Variants in RECQL4 observed in about 807,000 individuals in gnomAD.
RECQL4 encodes the protein ATP-dependent DNA helicase Q4.
In RECQL4, 158 loss-of-function variants were observed where a neutral mutation model predicts 128.6. That is an observed-to-expected ratio of 1.23 (90% CI 1.08 to 1.40). The LOEUF is 1.40. Among genes scored for constraint, RECQL4 ranks in the 40% most tolerant of loss-of-function variants. The pLI is 0.00. For synonymous variants in RECQL4, 996 were observed against 678.9 expected, an observed-to-expected ratio of 1.47 and a Z score of -7.26; for missense variants, 2,293 against 1,649.8, an observed-to-expected ratio of 1.39 and a Z score of -6.75.
chr8:144,515,567 T>C, intron 6 of RECQL4, 110 bp from the exon 7 acceptor site: 1 of 1,536,674 alleles, frequency 6.5e-7, no homozygotes, highest in Non-Finnish European at 8.9e-7. Context: ...GTGCCCTTCC[T>C]CTGGGCTACT....
In RECQL4 at chr8:144,513,932, T is replaced by C. The variant is rs985330329; in HGVS notation, c.2054A>G (p.Asp685Gly). 6 of 1,545,392 alleles carry C rather than the reference T, an allele frequency of 3.9e-6. No homozygotes were observed. The African/African-American group carries it at 8.3e-5, about 21-fold the overall frequency. The change falls in exon 12 of 21, where the codon GAC becomes GGC. Residue 685 changes from aspartate to glycine, a missense_variant. Asp to Gly is a moderately conservative substitution (Grantham distance 94). Coordinates refer to ENST00000617875, the MANE Select transcript of RECQL4 (RefSeq NM_004260.4). ...CCCCAGAGCACACACACCCACCTGG[T>C]CTGTGTCCCTGTCCATGGACACGGA... ...HLSVSMDRDT[D>G]QALLTLLQGK...
intron 12 of RECQL4, 24 bp from the exon 13 acceptor site, chr8:144,513,736 G>A (rs2130685431): frequency 6.6e-7 from 1 of 1,524,892 alleles, no homozygotes; most frequent in Non-Finnish European, 8.8e-7. Flanking sequence ...GTTGGCGTGG[G>A]CAGTGGGGAG....
intron 10 of RECQL4, 34 bp downstream of exon 10, chr8:144,514,408 G>A (rs2130697619): frequency 1.2e-6 from 2 of 1,602,850 alleles, no homozygotes; most frequent in Non-Finnish European, 1.7e-6. Flanking sequence ...CCCGCCCGCT[G>A]CCTCCCTCAC....
intron 9 of RECQL4, 54 bp downstream of exon 9, chr8:144,514,882 T>G (rs1827922430): frequency 6.3e-7 from 1 of 1,591,788 alleles, no homozygotes; most frequent in Non-Finnish European, 8.6e-7. Context: ...CCCTTGGGAG[T>G]CACAAGTGCT....
Position 144,514,369 on chromosome 8 carries a change from G to A in RECQL4, c.1705-7C>T. Reference sequence around the variant, plus strand: ...GTACCTGGGCTGCCCGAATCTGAAGGCAGCAAGATCAGAGGCACAGCCCAG... The same window carrying A: ...GTACCTGGGCTGCCCGAATCTGAAGACAGCAAGATCAGAGGCACAGCCCAG... On this transcript the variant is annotated splice_region_variant and splice_polypyrimidine_tract_variant and intron_variant, in intron 10 of 20. Coordinates refer to ENST00000617875, the MANE Select transcript of RECQL4 (RefSeq NM_004260.4). 2.5e-6 allele frequency: 4 copies of A among 1,599,934 alleles called. No homozygotes were observed. Among genetic ancestry groups the A allele is most frequent in the Non-Finnish European group, 3.4e-6 (4 of 1,170,852 alleles).
At position 144,513,731 on chromosome 8, in the gene RECQL4, C is replaced by A; in HGVS notation, c.2059-19G>T. On this transcript the variant is annotated intron_variant, in intron 12 of 20. Transcript: ENST00000617875. Reference sequence around the variant, plus strand: ...ACAGTGCCTGATGAGGAGCGGTTGGCGTGGGCAGTGGGGAGTGAGGAGGGG... The same window carrying A: ...ACAGTGCCTGATGAGGAGCGGTTGGAGTGGGCAGTGGGGAGTGAGGAGGGG... The A allele has an allele frequency of 1.5e-6, 2 of 1,315,274 alleles. No individual in the cohort carries two copies. The highest frequency in any genetic ancestry group is 1.3e-5 in the South Asian group (1 of 79,254). 81.5% of individuals were successfully genotyped at this position (1,315,274 alleles called of 1,614,324 possible).
chr8:144,516,079 C>A lies in RECQL4; in HGVS notation c.1040G>T (p.Arg347Leu), dbSNP rs757988816. ...APLHIFPRLA[R>L]HDRGNYVRLN... is the part of the protein sequence containing the mutation. Reference sequence around the variant, plus strand: ...CCGTACGTAATTGCCCCTGTCATGGCGGGCCAGCCGAGGGAAGATGTGCAG... The same window carrying A: ...CCGTACGTAATTGCCCCTGTCATGGAGGGCCAGCCGAGGGAAGATGTGCAG... Residue 347 changes from arginine (R) to leucine (L), a missense_variant, in exon 5 of 21, where the codon CGC (arginine) becomes CTC (leucine). Physicochemically the swap from Arg to Leu is moderately radical, Grantham distance 102. Transcript: ENST00000617875. The A allele has an allele frequency of 1.2e-5, 20 of 1,612,642 alleles. No individual in the cohort carries two copies. The highest frequency in any genetic ancestry group is 1.7e-5 in the Non-Finnish European group (20 of 1,179,866).
intron 3 of RECQL4, 67 bp downstream of exon 3, chr8:144,517,339 GCCGCGACT>G: frequency 6.7e-7 from 1 of 1,484,722 alleles, no homozygotes; most frequent in East Asian, 2.5e-5. Flanking sequence ...CGGCGGCCTG[GCCGCGACT>G]CCGTGGCTCC....
At position 144,513,990 on chromosome 8, in the gene RECQL4, C is replaced by G; in HGVS notation, c.1996G>C (p.Gly666Arg). ...LAVAEEPDLHGPAPVPTNLHL... is the reference protein window; with the variant it reads ...LAVAEEPDLHRPAPVPTNLHL... ...AGGTTGGTGGGAACTGGGGCTGGCC[C>G]GTGGAGGTCAGGCTCTTCAGCCACA... is the stretch of plus-strand genomic sequence containing the variant. The change falls in exon 12 of 21, where the codon GGG (glycine) becomes CGG (arginine). Residue 666 changes from glycine to arginine, a missense_variant. Gly to Arg is a moderately radical substitution (Grantham distance 125). Coordinates refer to ENST00000617875, the MANE Select transcript of RECQL4 (RefSeq NM_004260.4). 1.3e-6 allele frequency: 2 copies of G among 1,566,660 alleles called. No individual in the cohort carries two copies. The highest frequency in any genetic ancestry group is 2.4e-5 in the East Asian group (1 of 41,974).
Position 144,512,770 on chromosome 8 carries a change from G to C in RECQL4, c.2757C>G (p.Ala919=). The change falls in exon 16 of 21, where the codon GCC becomes GCG. Residue 919 remains alanine (A), a splice_region_variant and synonymous_variant. Transcript: ENST00000617875. ...CCAGGTAGCACAGCAAAGTCTCGAT[G>C]GCTGGGGGCAGAGCAGGGCTCAGCG... ...TVQALDMPEE[A]IETLLCYLEL... The C allele has an allele frequency of 6.2e-7, 1 of 1,611,778 alleles. No individual in the cohort carries two copies. Among genetic ancestry groups the C allele is most frequent in the Non-Finnish European group, 8.5e-7 (1 of 1,179,736 alleles).
In RECQL4 at chr8:144,514,033, G is replaced by A. The variant is rs778308001; in HGVS notation, c.1953C>T (p.Asp651=). The A allele has an allele frequency of 1.4e-5, 22 of 1,575,630 alleles. No individual in the cohort carries two copies. The highest frequency in any genetic ancestry group is 5.8e-5 in the South Asian group (5 of 86,378). ...TATATRRTAS[D]VAQHLAVAEE... ...CAGCCACAGCCAGGTGCTGTGCCAC[G>A]TCACTGGCAGTGCGGCGTGTGGCTG... Residue 651 remains aspartate (D), a synonymous_variant, in exon 12 of 21, where the codon GAC becomes GAT. Coordinates refer to ENST00000617875, the MANE Select transcript of RECQL4 (RefSeq NM_004260.4).
chr8:144,515,625 T>A, intron 6 of RECQL4, 139 bp downstream of exon 6: 1 of 1,439,944 alleles, frequency 6.9e-7, no homozygotes, highest in Non-Finnish European at 9.4e-7. Context: ...CCTGCCACCC[T>A]CCTTCAGGGG....
At chr8:144,515,702 A>G (rs1828060786) in intron 6 of RECQL4, 62 bp downstream of exon 6, 3 of 1,583,550 alleles carry the variant, frequency 1.9e-6, no homozygotes, top group South Asian at 2.3e-5. Flanking sequence ...GTGTCCCCCA[A>G]AAGAGCACTG....
chr8:144,515,570 G>A (rs1828036817), intron 6 of RECQL4, 113 bp from the exon 7 acceptor site: 1 of 1,535,034 alleles, frequency 6.5e-7, no homozygotes, highest in East Asian at 2.3e-5. Context: ...CCCTTCCTCT[G>A]GGCTACTTTT....
In RECQL4 at chr8:144,516,025, C is replaced by T. The variant is rs549497811; in HGVS notation, c.1094G>A (p.Arg365Gln). ...RLNMKQKHYV[R>Q]GRALRSRLLR... ...GAGCCTGCTACGGAGTGCCCGGCCC[C>T]GCACGTAGTGTTTCTGCTTCATGTT... Residue 365 changes from arginine to glutamine, a missense_variant, in exon 5 of 21, where the codon CGG becomes CAG. Physicochemically the swap from Arg to Gln is conservative, Grantham distance 43. Transcript: ENST00000617875. 62 of 1,611,416 alleles carry T rather than the reference C, an allele frequency of 3.8e-5. No homozygotes were observed. Among genetic ancestry groups the T allele is most frequent in the African/African-American group, 1.6e-4 (12 of 75,042 alleles).
intron 4 of RECQL4, 63 bp from the exon 5 acceptor site, chr8:144,516,827 A>G (rs1815133966): frequency 1.4e-6 from 2 of 1,463,810 alleles, no homozygotes; most frequent in Admixed American, 4.6e-5. Context: ...TAGACTCTAA[A>G]ACCTACCTGA....
rs1827866210 is a variant in RECQL4 at position 144,514,528 on chromosome 8, G to A, written c.1621-3C>T. 6.2e-7 allele frequency: 1 copy of A among 1,610,642 alleles called. No homozygotes were observed. The highest frequency in any genetic ancestry group is 1.1e-5 in the South Asian group (1 of 90,756). On this transcript the variant is annotated splice_region_variant and splice_polypyrimidine_tract_variant and intron_variant, in intron 9 of 20. Transcript: ENST00000617875. ...AGACACGGTGGCAGGCCAGACACCTGCAAATGCAGGAGCGACAGCCGTCAT... is the reference window on the plus strand; with the variant it reads ...AGACACGGTGGCAGGCCAGACACCTACAAATGCAGGAGCGACAGCCGTCAT...
chr8:144,515,520 A>G, intron 6 of RECQL4, 63 bp from the exon 7 acceptor site: 1 of 1,607,926 alleles, frequency 6.2e-7, no homozygotes, highest in African/African-American at 1.3e-5. Flanking sequence ...CACTGGCCAC[A>G]ACCTCTCCTT....
In RECQL4 at chr8:144,511,417, C is replaced by A; in HGVS notation, c.*14G>T. ...CAACCCCAGCTCTACCCGACATCCC[C>A]CAATGCAGTGCAGTCAGCGGGCCAC... On this transcript the variant is annotated 3_prime_UTR_variant, in exon 21 of 21. Coordinates refer to ENST00000617875, the MANE Select transcript of RECQL4 (RefSeq NM_004260.4). 1 of 1,611,268 alleles carries A rather than the reference C, an allele frequency of 6.2e-7. No homozygotes were observed. Among genetic ancestry groups the A allele is most frequent in the Non-Finnish European group, 8.5e-7 (1 of 1,178,702 alleles).
Sources: allele counts gnomAD v4.1 joint callset, GRCh38; gene constraint gnomAD v4.1.1; transcripts MANE v1.5; gene names NCBI Gene and HGNC (gene_info 2026-07-23, HGNC 2026-07-21).